The following RHOH variants were observed in gnomAD, a reference collection of about 807,000 sequenced individuals.
RHOH encodes ras homolog family member H.
In RHOH, 6 loss-of-function variants were observed where a neutral mutation model predicts 13.8. The ratio of observed to expected loss-of-function variants is 0.44; its 90% CI spans 0.24 to 0.86. The LOEUF is 0.86. Ranked by LOEUF, RHOH falls within the 40% of genes least tolerant of loss-of-function variation. The pLI, the probability that RHOH is intolerant of heterozygous loss-of-function variation, is 0.24. For synonymous variants in RHOH, 117 were observed against 103.0 expected, an observed-to-expected ratio of 1.14 and a Z score of -0.82; for missense variants, 147 against 244.5, an observed-to-expected ratio of 0.60 and a Z score of 2.66.
chr4:40,222,618 G>C (rs528183393), intron 1 of RHOH, among the ~76,000 whole-genome samples: 1 of 152,294 alleles, frequency 6.6e-6, no homozygotes, highest in East Asian at 1.9e-4. Flanking sequence ...TACAGCTCAT[G>C]GACAACGCAC....
At chr4:40,230,605 C>T (rs1422271688) in intron 1 of RHOH, among the ~76,000 whole-genome samples, 1 of 151,640 alleles carries the variant, frequency 6.6e-6, no homozygotes, top group African/African-American at 2.4e-5. Flanking sequence ...GTGATCCACC[C>T]CCCTTAGCCT....
At chr4:40,225,520 G>C (rs1363854158) in intron 1 of RHOH, among the ~76,000 whole-genome samples, 1 of 152,192 alleles carries the variant, frequency 6.6e-6, no homozygotes, top group Non-Finnish European at 1.5e-5. Context: ...ACCTAGAGGA[G>C]AGAGGTTGAT....
At chr4:40,241,305 A>G (rs1729216898) in intron 1 of RHOH, among the ~76,000 whole-genome samples, 1 of 152,198 alleles carries the variant, frequency 6.6e-6, no homozygotes, top group Admixed American at 6.5e-5. Flanking sequence ...ATAGTAGTGA[A>G]ATGGATAACT....
chr4:40,197,626 T>C (rs899282576), intron 1 of RHOH, among the ~76,000 whole-genome samples: 2 of 152,180 alleles, frequency 1.3e-5, no homozygotes, highest in African/African-American at 4.8e-5. Context: ...TACCCAAGGT[T>C]TGATGAAGTA....
chr4:40,233,238 A>G (rs776738157), intron 1 of RHOH, among the ~76,000 whole-genome samples: 3 of 152,200 alleles, frequency 2.0e-5, no homozygotes, highest in Non-Finnish European at 4.4e-5. Context: ...AATTTTTATT[A>G]TTAAAAATAA....
Position 40,218,753 on chromosome 4 carries a change from C to A in RHOH, c.-331+21453C>A, listed in dbSNP as rs910911026. 2.0e-5 allele frequency among the ~76,000 whole-genome samples: 3 copies of A among 152,136 alleles called. No homozygotes were observed. The highest frequency in any genetic ancestry group is 7.2e-5 in the African/African-American group (3 of 41,426). ...CCCTGAGAGCCCATCTAGTTCAATGCCTCATTTTGCGGATGAAAAAACAGG... is the reference window on the plus strand; with the variant it reads ...CCCTGAGAGCCCATCTAGTTCAATGACTCATTTTGCGGATGAAAAAACAGG... On this transcript the variant is annotated intron_variant, in intron 1 of 2. Coordinates refer to ENST00000381799, the MANE Select transcript of RHOH (RefSeq NM_004310.5). This position sits in a 1 kb window ranked among gnomAD's most constrained non-coding sequence, Gnocchi z 4.1.
In RHOH at chr4:40,210,089, C is replaced by T. The variant is rs369654249; in HGVS notation, c.-331+12789C>T. On this transcript the variant is annotated intron_variant, in intron 1 of 2. Coordinates refer to ENST00000381799, the MANE Select transcript of RHOH (RefSeq NM_004310.5). Reference sequence around the variant, plus strand: ...GTAATATTCCTGATTACATTGTGTGCGTGTGTGTGTGTGTGTGTGTGTGTG... The same window carrying T: ...GTAATATTCCTGATTACATTGTGTGTGTGTGTGTGTGTGTGTGTGTGTGTG... Among the ~76,000 whole-genome samples, 253 of 145,552 alleles carry T rather than the reference C, an allele frequency of 1.7e-3. 1 individual carries two copies. The highest frequency in any genetic ancestry group is 4.7e-3 in the Admixed American group (68 of 14,578).
At chr4:40,219,527 T>G (rs1209134250) in intron 1 of RHOH, among the ~76,000 whole-genome samples, 1 of 152,114 alleles carries the variant, frequency 6.6e-6, no homozygotes, top group East Asian at 1.9e-4. Flanking sequence ...AAACTTAGTC[T>G]GATGGTTGCG....
chr4:40,205,178 C>T (rs111783701), intron 1 of RHOH, among the ~76,000 whole-genome samples: 8,400 of 152,232 alleles, frequency 0.055, 602 homozygotes, highest in African/African-American at 0.16. Flanking sequence ...GCAGGAGAAT[C>T]GCTTGAATCC....
chr4:40,235,017 T>A (rs1351427548), intron 1 of RHOH, among the ~76,000 whole-genome samples: 2 of 152,218 alleles, frequency 1.3e-5, no homozygotes, highest in African/African-American at 4.8e-5. Flanking sequence ...AATCTAGTGA[T>A]TATTTGTAGC....
chr4:40,232,841 C>A (rs772569208), intron 1 of RHOH, among the ~76,000 whole-genome samples: 2 of 152,154 alleles, frequency 1.3e-5, no homozygotes, highest in Non-Finnish European at 2.9e-5. Context: ...ACCCCCAAAG[C>A]CTTTCTTCTC....
chr4:40,232,967 T>C (rs1728122739), intron 1 of RHOH, among the ~76,000 whole-genome samples: 1 of 152,218 alleles, frequency 6.6e-6, no homozygotes, highest in African/African-American at 2.4e-5. Flanking sequence ...CTCTCCTGTG[T>C]GTCTGTAGTA....
chr4:40,198,391 A>G, intron 1 of RHOH, among the ~76,000 whole-genome samples: 1 of 152,266 alleles, frequency 6.6e-6, no homozygotes, highest in East Asian at 1.9e-4. Context: ...AAATCAGATT[A>G]GACAGTTAGG....
intron 1 of RHOH, among the ~76,000 whole-genome samples, chr4:40,238,112 T>C (rs1299578480): frequency 6.6e-6 from 1 of 152,132 alleles, no homozygotes; most frequent in Admixed American, 6.5e-5. Flanking sequence ...AGACGAGCCA[T>C]TTCATCAGAG....
chr4:40,193,324 A>T (rs1722798443), upstream of RHOH, among the ~76,000 whole-genome samples: 1 of 151,984 alleles, frequency 6.6e-6, no homozygotes, highest in Non-Finnish European at 1.5e-5. Context: ...ATTTCTCCCA[A>T]CCCCATCCCA....
chr4:40,217,008 C>T (rs150606330), intron 1 of RHOH, among the ~76,000 whole-genome samples: 43 of 152,302 alleles, frequency 2.8e-4, no homozygotes, highest in African/African-American at 8.9e-4. Context: ...AGAAATCTTT[C>T]TAGCATGCTG....
chr4:40,214,175 G>A (rs1214000991), intron 1 of RHOH, among the ~76,000 whole-genome samples: 1 of 152,204 alleles, frequency 6.6e-6, no homozygotes, highest in East Asian at 1.9e-4. Flanking sequence ...ATGGTGGTAC[G>A]GGTGGCACTT....
intron 1 of RHOH, among the ~76,000 whole-genome samples, chr4:40,234,567 C>T (rs1331213532): frequency 2.6e-5 from 4 of 151,926 alleles, no homozygotes; most frequent in Admixed American, 6.6e-5. Flanking sequence ...GCAGGACACA[C>T]GGCTCAGAGA....
intron 1 of RHOH, among the ~76,000 whole-genome samples, chr4:40,212,964 G>A (rs1725441472): frequency 6.6e-6 from 1 of 152,234 alleles, no homozygotes; most frequent in African/African-American, 2.4e-5. Flanking sequence ...CCCCTAAACT[G>A]AGTCCCTAAT....
Sources: allele counts gnomAD v4.1 joint callset (sites outside exome capture counted in the v4.1 genomes callset), GRCh38; gene constraint gnomAD v4.1.1; non-coding constraint Gnocchi (gnomAD v3.1); transcripts MANE v1.5; gene names NCBI Gene and HGNC (gene_info 2026-07-23, HGNC 2026-07-21).